The following SPATA31H1 variants were observed in gnomAD, a reference collection of about 807,000 sequenced individuals.
SPATA31H1 encodes the protein SPATA31 subfamily H member 1, also known as spermatogenesis-associated protein 31H1.
chr2:27,559,303 C>G, the SPATA31H1 span, among the ~76,000 whole-genome samples: 1 of 152,140 alleles, frequency 6.6e-6, no homozygotes, highest in African/African-American at 2.4e-5. Flanking sequence ...TATTCTTACT[C>G]CTAGGTATAG....
chr2:27,537,757 C>A, the SPATA31H1 span, among the ~76,000 whole-genome samples: 1 of 152,146 alleles, frequency 6.6e-6, no homozygotes, highest in Non-Finnish European at 1.5e-5. Flanking sequence ...GACCTAGAGA[C>A]TATCGCCATT....
chr2:27,544,317 T>C, the SPATA31H1 span, among the ~76,000 whole-genome samples: 1 of 151,990 alleles, frequency 6.6e-6, no homozygotes, highest in African/African-American at 2.4e-5. Context: ...AGATATGGCA[T>C]AGCCATAACC....
the SPATA31H1 span, chr2:27,577,283 G>T: frequency 6.2e-7 from 1 of 1,614,032 alleles, no homozygotes; most frequent in South Asian, 1.1e-5. The surrounding 1 kb of genome is among the most constrained non-coding windows in gnomAD (Gnocchi z 4.5). Flanking sequence ...CTATGGAATT[G>T]CTCTCTCAGT....
At chr2:27,577,877 G>A in the SPATA31H1 span, 4 of 1,614,128 alleles carry the variant, frequency 2.5e-6, no homozygotes, top group Non-Finnish European at 3.4e-6. This position sits in a 1 kb window ranked among gnomAD's most constrained non-coding sequence, Gnocchi z 4.5. Context: ...AATCTGTAGA[G>A]CTCACCTCTG....
chr2:27,581,658 A>G, the SPATA31H1 span: 11 of 1,613,274 alleles, frequency 6.8e-6, no homozygotes, highest in African/African-American at 6.7e-5. Context: ...AAGACATCGC[A>G]GTCCCTCTCA....
At chr2:27,555,623 A>C in the SPATA31H1 span, among the ~76,000 whole-genome samples, 1 of 151,708 alleles carries the variant, frequency 6.6e-6, no homozygotes, top group South Asian at 2.1e-4. Flanking sequence ...ACAGTGAGCT[A>C]TGATTGTGTC....
chr2:27,562,095 GCT>G, the SPATA31H1 span, among the ~76,000 whole-genome samples: 2 of 152,098 alleles, frequency 1.3e-5, no homozygotes, highest in Non-Finnish European at 2.9e-5. Context: ...TTGTCTCCGA[GCT>G]CTCTATCTGT....
chr2:27,557,636 A>C, the SPATA31H1 span, among the ~76,000 whole-genome samples: 2 of 866 alleles, frequency 2.3e-3, no homozygotes, highest in Non-Finnish European at 3.8e-3. Context: ...CGGCTGGCCG[A>C]CCCCCCCCCC....
At chr2:27,553,485 C>T in the SPATA31H1 span, among the ~76,000 whole-genome samples, 9 of 152,090 alleles carry the variant, frequency 5.9e-5, no homozygotes, top group African/African-American at 2.2e-4. Context: ...AATACACTTT[C>T]TCATTTTTTG....
the SPATA31H1 span, among the ~76,000 whole-genome samples, chr2:27,550,377 G>T: frequency 7.1e-6 from 1 of 141,630 alleles, no homozygotes; most frequent in South Asian, 2.3e-4. Flanking sequence ...TTTATTTCCA[G>T]TCTGCAAATA....
the SPATA31H1 span, among the ~76,000 whole-genome samples, chr2:27,543,965 T>C: frequency 6.6e-6 from 1 of 151,974 alleles, no homozygotes; most frequent in African/African-American, 2.4e-5. Flanking sequence ...TGACAATTTT[T>C]TTCAGTCCTG....
the SPATA31H1 span, among the ~76,000 whole-genome samples, chr2:27,543,989 C>T: frequency 1.3e-5 from 2 of 151,950 alleles, no homozygotes; most frequent in African/African-American, 4.8e-5. Flanking sequence ...AACTAAGTCC[C>T]TGCTGTGCAT....
the SPATA31H1 span, chr2:27,574,580 G>C: frequency 2.5e-6 from 1 of 398,426 alleles, no homozygotes; most frequent in Non-Finnish European, 4.4e-6. Context: ...CAGGGACAAG[G>C]CTTCAAAGTA....
the SPATA31H1 span, among the ~76,000 whole-genome samples, chr2:27,553,856 A>C: frequency 6.6e-6 from 1 of 152,124 alleles, no homozygotes; most frequent in East Asian, 1.9e-4. Context: ...CGGGAGGCGG[A>C]GGTTGCAGTG....
the SPATA31H1 span, among the ~76,000 whole-genome samples, chr2:27,553,581 A>C: frequency 4.6e-5 from 7 of 152,064 alleles, no homozygotes; most frequent in Non-Finnish European, 7.3e-5. Flanking sequence ...CTCTCATTTT[A>C]CCACAAACAG....
At chr2:27,573,762 C>A in the SPATA31H1 span, 6 of 398,364 alleles carry the variant, frequency 1.5e-5, no homozygotes, top group African/African-American at 1.2e-4. Context: ...TGTGAAGTCT[C>A]CAGCGTTTAC....
At chr2:27,565,707 A>G in the SPATA31H1 span, among the ~76,000 whole-genome samples, 4 of 152,338 alleles carry the variant, frequency 2.6e-5, no homozygotes, top group African/African-American at 7.2e-5. Context: ...AAGTTTCCCT[A>G]TCTTTTCCCC....
At chr2:27,538,928 AGT>A in the SPATA31H1 span, among the ~76,000 whole-genome samples, 2 of 152,020 alleles carry the variant, frequency 1.3e-5, no homozygotes, top group Non-Finnish European at 2.9e-5. Flanking sequence ...TTGATACAGC[AGT>A]AAGTGGAAGA....
the SPATA31H1 span, among the ~76,000 whole-genome samples, chr2:27,553,186 T>C: frequency 6.6e-6 from 1 of 152,102 alleles, no homozygotes; most frequent in Non-Finnish European, 1.5e-5. Flanking sequence ...GAGGCAATGG[T>C]CCCTCTTTTT....
Sources: allele counts gnomAD v4.1 joint callset (sites outside exome capture counted in the v4.1 genomes callset), GRCh38; gene constraint gnomAD v4.1.1; non-coding constraint Gnocchi (gnomAD v3.1); transcripts MANE v1.5; gene names NCBI Gene and HGNC (gene_info 2026-07-23, HGNC 2026-07-21).